Variants in ASAH2 observed in about 807,000 individuals in gnomAD.
ASAH2 encodes N-acylsphingosine amidohydrolase 2, also known as neutral ceramidase.
A neutral mutation model predicts 82.9 loss-of-function variants in ASAH2; 58 were observed. The observed-to-expected ratio is 0.70, with a 90% CI of 0.57 to 0.87. ASAH2 has a LOEUF of 0.87. ASAH2 is among the 40% of genes least tolerant of loss of function. The pLI is 0.00. For missense variants in ASAH2, 779 were observed against 834.0 expected (o/e 0.93, Z 0.81); for synonymous variants, 276 against 289.7 (o/e 0.95, Z 0.48).
rs1164499599 is a variant in ASAH2 at position 50,234,503 on chromosome 10, T to C, written c.737A>G (p.Asn246Ser). Residue 246 changes from asparagine (N) to serine (S), a missense_variant, in exon 6 of 21, where the codon AAT becomes AGT. Coordinates refer to ENST00000682911, the MANE Select transcript of ASAH2 (RefSeq NM_019893.4). ...CTGCACACCATCCACATTTCCTTTA[T>C]TGATGAAGATTTTGCCTGGTTTCAT... is the stretch of plus-strand genomic sequence containing the variant. The part of the protein sequence containing the change: ...TNMKPGKIFI[N>S]KGNVDGVQIN... 1.2e-6 allele frequency: 2 copies of C among 1,612,956 alleles called. No homozygotes were observed. Among genetic ancestry groups the C allele is most frequent in the African/African-American group, 1.3e-5 (1 of 74,848 alleles).
intron 1 of ASAH2, among the ~76,000 whole-genome samples, chr10:50,249,022 T>C (rs1846547349): frequency 6.6e-6 from 1 of 152,192 alleles, no homozygotes; most frequent in South Asian, 2.1e-4. Flanking sequence ...AGAGTGCCTC[T>C]GTTAACAAGG....
At chr10:50,232,896 G>A (rs1846054725) in intron 7 of ASAH2, among the ~76,000 whole-genome samples, 4 of 152,124 alleles carry the variant, frequency 2.6e-5, no homozygotes. Context: ...AATGTTTACT[G>A]AATTTTTGTA....
intron 4 of ASAH2, among the ~76,000 whole-genome samples, chr10:50,237,474 C>T (rs953321678): frequency 5.9e-5 from 9 of 152,170 alleles, no homozygotes; most frequent in Non-Finnish European, 7.3e-5. Context: ...AAGTCAGAAT[C>T]GTCTAACCAA....
chr10:50,235,926 T>G lies in ASAH2; in HGVS notation c.649A>C (p.Asn217His). The G allele has an allele frequency of 6.2e-7, 1 of 1,613,350 alleles. No homozygotes were observed. ...GTGACCATGTGCTGAAAAGTTTGAT[T>G]GCTAAATCCTTCACTGGCAATTACA... ...VFVIASEGFS[N>H]QTFQHMVTGI... The change falls in exon 5 of 21, where the codon AAT becomes CAT. Residue 217 changes from asparagine (N) to histidine (H), a missense_variant. Around this residue, in one of 3 missense-constraint regions of ASAH2, gnomAD observed 759 missense variants for 755.2 expected, o/e 1.00. Coordinates refer to ENST00000682911, the MANE Select transcript of ASAH2 (RefSeq NM_019893.4).
intron 12 of ASAH2, among the ~76,000 whole-genome samples, chr10:50,210,039 C>A (rs1292012215): frequency 6.6e-6 from 1 of 151,988 alleles, no homozygotes; most frequent in Admixed American, 6.6e-5. Context: ...TAGATATATA[C>A]CCAAGAGGAA....
chr10:50,197,835 C>G (rs1251012320), intron 17 of ASAH2, among the ~76,000 whole-genome samples: 7 of 151,722 alleles, frequency 4.6e-5, no homozygotes, highest in Non-Finnish European at 8.8e-5. Flanking sequence ...AGCATAGTGA[C>G]AGTTAAACAG....
intron 6 of ASAH2, among the ~76,000 whole-genome samples, chr10:50,233,939 T>C (rs942739096): frequency 1.2e-4 from 19 of 152,244 alleles, no homozygotes; most frequent in African/African-American, 4.3e-4. Context: ...TTTATCCTTT[T>C]ATTTTCTCTG....
intron 1 of ASAH2, 61 bp from the exon 2 acceptor site, chr10:50,248,707 A>T: frequency 7.8e-7 from 1 of 1,282,102 alleles, no homozygotes; most frequent in Non-Finnish European, 1.1e-6. Context: ...AGGTTAAGAT[A>T]TCTTAGCTCT....
At chr10:50,225,223 C>T (rs1468101853) in intron 7 of ASAH2, among the ~76,000 whole-genome samples, 1 of 152,148 alleles carries the variant, frequency 6.6e-6, no homozygotes, top group African/African-American at 2.4e-5. Context: ...TGAAACCAGC[C>T]TGGCCAACAT....
chr10:50,236,177 C>T, intron 4 of ASAH2, 113 bp from the exon 5 acceptor site: 1 of 918,872 alleles, frequency 1.1e-6, no homozygotes, highest in Non-Finnish European at 1.8e-6. Context: ...CTGTATTAGT[C>T]CATTCTCATG....
chr10:50,208,962 G>A (rs1230102086), intron 12 of ASAH2, among the ~76,000 whole-genome samples: 1 of 152,180 alleles, frequency 6.6e-6, no homozygotes, highest in Admixed American at 6.5e-5. Context: ...TAGATCAATG[G>A]AATAGAATTG....
At chr10:50,222,962 A>G (rs893421718) in intron 7 of ASAH2, among the ~76,000 whole-genome samples, 4 of 152,212 alleles carry the variant, frequency 2.6e-5, no homozygotes, top group African/African-American at 9.6e-5. Flanking sequence ...ATCTCTAATA[A>G]TAAGCATTTT....
chr10:50,229,019 T>C (rs1395119213), intron 7 of ASAH2, among the ~76,000 whole-genome samples: 7 of 152,190 alleles, frequency 4.6e-5, no homozygotes, highest in Non-Finnish European at 8.8e-5. Flanking sequence ...CCTTCGTAAG[T>C]GTAGCTATGT....
At chr10:50,207,876 C>T (rs1350022541) in intron 12 of ASAH2, among the ~76,000 whole-genome samples, 1 of 151,722 alleles carries the variant, frequency 6.6e-6, no homozygotes, top group Non-Finnish European at 1.5e-5. Context: ...AACTACAGAA[C>T]ATTTTCTCTG....
intron 1 of ASAH2, among the ~76,000 whole-genome samples, chr10:50,248,947 C>T (rs546168939): frequency 6.6e-6 from 1 of 152,308 alleles, no homozygotes; most frequent in South Asian, 2.1e-4. Context: ...ATTCCTCAGC[C>T]ATATCACACT....
At chr10:50,218,483 G>A in intron 8 of ASAH2, 27 bp downstream of exon 8, 1 of 1,613,552 alleles carries the variant, frequency 6.2e-7, no homozygotes, top group Non-Finnish European at 8.5e-7. Flanking sequence ...GAATCAAGAT[G>A]AAGCTTTCAA....
Position 50,202,881 on chromosome 10 carries a change from G to C in ASAH2, c.1709C>G (p.Ser570Ter), listed in dbSNP as rs1465017671. The stretch of plus-strand genomic sequence containing the variant: ...ATGTGTATAGACGTTGCATAGACCT[G>C]AAATAACAACAGTCATGTTCTGCAT... The part of the protein sequence containing the change: ...HGMQNMTVVI[S>*]GLCNVYTHYI... The change falls in exon 16 of 21, where the codon TCA (serine) becomes TGA (stop). Residue 570 changes from serine to a stop codon, truncating the protein, a stop_gained. Coordinates refer to ENST00000682911, the MANE Select transcript of ASAH2 (RefSeq NM_019893.4). LOFTEE classifies it high-confidence loss of function. 12 of 1,612,032 alleles carry C rather than the reference G, an allele frequency of 7.4e-6. No individual in the cohort carries two copies. Among genetic ancestry groups the C allele is most frequent in the Non-Finnish European group, 1.0e-5 (12 of 1,178,664 alleles).
intron 12 of ASAH2, among the ~76,000 whole-genome samples, chr10:50,210,148 A>G (rs541464381): frequency 6.6e-6 from 1 of 152,292 alleles, no homozygotes; most frequent in East Asian, 1.9e-4. Flanking sequence ...ATGTTCATCA[A>G]CTGAGGAAGG....
At chr10:50,202,300 C>T (rs1845169851) in intron 16 of ASAH2, among the ~76,000 whole-genome samples, 1 of 152,170 alleles carries the variant, frequency 6.6e-6, no homozygotes, top group South Asian at 2.1e-4. Context: ...ACTTGGGCTG[C>T]TTTCTGGACT....
Sources: gnomAD v4.1 joint callset for allele counts (sites outside exome capture counted in the v4.1 genomes callset) on GRCh38, gnomAD v4.1.1 for gene constraint, gnomAD v4.1.1 regional missense constraint, MANE v1.5 for transcripts, NCBI Gene and HGNC (gene_info 2026-07-23, HGNC 2026-07-21) for gene names.